Variants in KIAA0753 observed in about 807,000 individuals in gnomAD.
KIAA0753 encodes the protein KIAA0753, also known as protein moonraker.
KIAA0753 carries 114 observed loss-of-function variants against 116.9 expected under a neutral mutation model. The observed-to-expected ratio is 0.98, with a 90% confidence interval of 0.84 to 1.14. The LOEUF is 1.14. Ranked by LOEUF, KIAA0753 falls within the 50% of genes most tolerant of loss-of-function variation. The probability of loss-of-function intolerance (pLI) is 0.00; values close to 1 mark genes in which losing one functional copy is unlikely to be tolerated. For synonymous variants in KIAA0753, 405 were observed against 413.1 expected (o/e 0.98, Z 0.24); for missense variants, 1,156 against 1,172.4 (o/e 0.99, Z 0.20).
chr17:6,640,221 CGA>C (rs1322642604), intron 1 of KIAA0753: 1 of 152,660 alleles, frequency 6.6e-6, no homozygotes, highest in Non-Finnish European at 1.5e-5. Context: ...CCCCCCGCCC[CGA>C]CCTGCTGGGC....
chr17:6,584,614 G>A (rs79246380), intron 18 of KIAA0753, among the ~76,000 whole-genome samples: 3,371 of 151,908 alleles, frequency 0.022, 107 homozygotes, highest in African/African-American at 0.076. Context: ...AACCATCCCT[G>A]CTGGAGTGCT....
At chr17:6,583,509 G>A (rs530220238) in intron 18 of KIAA0753, among the ~76,000 whole-genome samples, 1 of 152,074 alleles carries the variant, frequency 6.6e-6, no homozygotes, top group East Asian at 1.9e-4. Flanking sequence ...CCTCCTCTAT[G>A]TCCCTTTCCC....
intron 4 of KIAA0753, among the ~76,000 whole-genome samples, 178 bp downstream of exon 4, chr17:6,624,577 T>C (rs560638560): frequency 1.2e-4 from 13 of 111,482 alleles, no homozygotes; most frequent in African/African-American, 3.7e-4. Flanking sequence ...CACACGCAGA[T>C]TACAAAAAGA....
At chr17:6,595,322 T>G (rs1039635146) in intron 15 of KIAA0753, among the ~76,000 whole-genome samples, 1 of 152,188 alleles carries the variant, frequency 6.6e-6, no homozygotes, top group South Asian at 2.1e-4. Flanking sequence ...TCCAATACAG[T>G]AGCCACTAAC....
chr17:6,589,892 G>A lies in KIAA0753; in HGVS notation c.2673C>T (p.Val891=). ...QQKEGRAPLF[V]PPGMQHSIGD... is the part of the protein sequence containing the mutation. The stretch of plus-strand genomic sequence containing the variant: ...CGATGCTGTGCTGCATACCCGGTGG[G>A]ACAAAGAGGGGAGCTCGGCCTTCTT... The change falls in exon 18 of 19, where the codon GTC becomes GTT. Residue 891 remains valine (V), a synonymous_variant. Coordinates refer to ENST00000361413, the MANE Select transcript of KIAA0753 (RefSeq NM_014804.3). The A allele has an allele frequency of 1.2e-6, 2 of 1,613,904 alleles. No individual in the cohort carries two copies. The highest frequency in any genetic ancestry group is 1.7e-6 in the Non-Finnish European group (2 of 1,179,890).
Position 6,607,168 on chromosome 17 carries a change from A to G in KIAA0753, c.1919+13T>C. The G allele has an allele frequency of 1.2e-6, 2 of 1,604,076 alleles. No homozygotes were observed. Among genetic ancestry groups the G allele is most frequent in the Non-Finnish European group, 1.7e-6 (2 of 1,170,880 alleles). On this transcript the variant is annotated intron_variant, in intron 11 of 18. Transcript: ENST00000361413. ...CCTGCTTACCTTTTCCTAACTCAGA[A>G]GCAAATATTTACCTCTGTTTTTGCA...
At chr17:6,620,452 T>C (rs146180414) in intron 7 of KIAA0753, among the ~76,000 whole-genome samples, 3,106 of 150,902 alleles carry the variant, frequency 0.021, 104 homozygotes, top group African/African-American at 0.07. Context: ...ATATATAGAA[T>C]GTATGTGTGT....
chr17:6,598,991 G>A (rs1969664582), intron 14 of KIAA0753, among the ~76,000 whole-genome samples: 1 of 152,224 alleles, frequency 6.6e-6, no homozygotes, highest in South Asian at 2.1e-4. Context: ...GTTATCCAGA[G>A]GAAGGATAGA....
rs748082718 is a variant in KIAA0753, at chr17:6,623,031, T to C, written c.955A>G (p.Thr319Ala). ...TGCTCCCCTCGGTCAGTAAACTGAG[T>C]GACAAACATCTGTAAGGCCCGAATG... ...GAIRALQMFV[T>A]QFTDRGEHPL... Residue 319 changes from threonine to alanine, a missense_variant, in exon 6 of 19, where the codon ACT becomes GCT. Thr to Ala is a moderately conservative substitution (Grantham distance 58). Transcript: ENST00000361413. The C allele has an allele frequency of 3.1e-6, 5 of 1,614,064 alleles. No homozygotes were observed. The highest frequency in any genetic ancestry group is 4.2e-6 in the Non-Finnish European group (5 of 1,180,012).
Position 6,631,772 on chromosome 17 carries a change from C to T in KIAA0753, c.94-3031G>A. Among the ~76,000 whole-genome samples the T allele has an allele frequency of 1.3e-5, 2 of 152,138 alleles. 1 individual carries two copies. ...GATAGTATCAAGGAGCACATCCAGC[C>T]CCAGATAGTGATTTTTTAAATTTCA... On this transcript the variant is annotated intron_variant, in intron 2 of 18. Transcript: ENST00000361413.
chr17:6,608,186 C>T (rs916240435), intron 10 of KIAA0753, among the ~76,000 whole-genome samples, 162 bp downstream of exon 10: 3 of 151,982 alleles, frequency 2.0e-5, no homozygotes, highest in African/African-American at 4.8e-5. Flanking sequence ...TTGACTGAAA[C>T]GTTTAATAAA....
At chr17:6,593,866 C>T (rs1156587478) in intron 16 of KIAA0753, among the ~76,000 whole-genome samples, 1 of 152,134 alleles carries the variant, frequency 6.6e-6, no homozygotes, top group Non-Finnish European at 1.5e-5. Context: ...GCCTGGGGAA[C>T]AGAGTGAAAC....
At chr17:6,623,625 T>C in intron 4 of KIAA0753, 54 bp from the exon 5 acceptor site, 3 of 1,575,090 alleles carry the variant, frequency 1.9e-6, no homozygotes, top group East Asian at 2.3e-5. Flanking sequence ...TGATCTTTTT[T>C]GTAGAAAAGG....
intron 1 of KIAA0753, 76 bp from the exon 2 acceptor site, chr17:6,635,247 G>C: frequency 1.7e-6 from 1 of 596,872 alleles, no homozygotes; most frequent in Non-Finnish European, 3.1e-6. Flanking sequence ...AGTGCCATGT[G>C]CATGTAGCAA....
At chr17:6,623,434 C>A (rs1971457923) in intron 5 of KIAA0753, 75 bp downstream of exon 5, 1 of 1,194,208 alleles carries the variant, frequency 8.4e-7, no homozygotes, top group Non-Finnish European at 1.2e-6. Context: ...TGCAGAGGGC[C>A]CTACACAATA....
chr17:6,589,909 G>C lies in KIAA0753; in HGVS notation c.2656C>G (p.Arg886Gly). Reference sequence around the variant, plus strand: ...CCCGGTGGGACAAAGAGGGGAGCTCGGCCTTCTTTCTGTTGAGAATCTTCG... The same window carrying C: ...CCCGGTGGGACAAAGAGGGGAGCTCCGCCTTCTTTCTGTTGAGAATCTTCG... ...LAEDSQQKEG[R>G]APLFVPPGMQ... The change falls in exon 18 of 19, where the codon CGA becomes GGA. Residue 886 changes from arginine to glycine, a missense_variant. Arg to Gly is a moderately radical substitution (Grantham distance 125). Coordinates refer to ENST00000361413, the MANE Select transcript of KIAA0753 (RefSeq NM_014804.3). 4.3e-6 allele frequency: 7 copies of C among 1,613,298 alleles called. No individual in the cohort carries two copies. The highest frequency in any genetic ancestry group is 5.9e-6 in the Non-Finnish European group (7 of 1,179,724).
intron 5 of KIAA0753, 29 bp downstream of exon 5, chr17:6,623,480 G>T: frequency 6.6e-7 from 1 of 1,518,742 alleles, no homozygotes; most frequent in Non-Finnish European, 9.1e-7. Context: ...TTATAAGCAA[G>T]TATTGATCAT....
Position 6,624,795 on chromosome 17 carries a change from G to C in KIAA0753, c.785C>G (p.Ala262Gly). Residue 262 changes from alanine (A) to glycine (G), a missense_variant, in exon 4 of 19, where the codon GCT becomes GGT. Ala to Gly is a moderately conservative substitution (Grantham distance 60). Transcript: ENST00000361413. ...RRIRIRRQEQ[A>G]ARSARMLYVL... Reference sequence around the variant, plus strand: ...GTAGAGCATTCGGGCAGAGCGAGCAGCTTGCTCCTGTCTCCTGATACGGAT... The same window carrying C: ...GTAGAGCATTCGGGCAGAGCGAGCACCTTGCTCCTGTCTCCTGATACGGAT... 21 of 1,563,934 alleles carry C rather than the reference G, an allele frequency of 1.3e-5. No individual in the cohort carries two copies. Among genetic ancestry groups the C allele is most frequent in the Non-Finnish European group, 1.8e-5 (21 of 1,152,106 alleles).
intron 3 of KIAA0753, among the ~76,000 whole-genome samples, chr17:6,626,444 G>T (rs1253434417): frequency 3.9e-5 from 6 of 152,182 alleles, no homozygotes; most frequent in Non-Finnish European, 7.3e-5. Flanking sequence ...GACCCTATAT[G>T]TCTAATTACT....
Sources: allele counts gnomAD v4.1 joint callset (sites outside exome capture counted in the v4.1 genomes callset), GRCh38; gene constraint gnomAD v4.1.1; transcripts MANE v1.5; gene names NCBI Gene and HGNC (gene_info 2026-07-23, HGNC 2026-07-21).